SEC24B: variants seen among roughly 807,000 people sequenced by gnomAD.
SEC24B encodes SEC24 homolog B, COPII component.
Under a neutral mutation model 142.8 loss-of-function variants are expected in SEC24B, and 45 were observed. That is an observed-to-expected ratio of 0.32 (90% CI 0.25 to 0.40). The LOEUF is 0.40. Among genes scored for constraint, SEC24B ranks in the 10% least tolerant of loss-of-function variants. The probability of loss-of-function intolerance (pLI) is 1.00; values close to 1 mark genes in which losing one functional copy is unlikely to be tolerated. For missense variants in SEC24B, 1,409 were observed against 1,526.8 expected, an observed-to-expected ratio of 0.92 and a Z score of 1.29; for synonymous variants, 574 against 568.2, an observed-to-expected ratio of 1.01 and a Z score of -0.15.
intron 6 of SEC24B, among the ~76,000 whole-genome samples, chr4:109,496,476 C>T (rs1310987706): frequency 6.6e-6 from 1 of 152,066 alleles, no homozygotes; most frequent in African/African-American, 2.4e-5. Context: ...AGTTGACTAA[C>T]CTTATAGAAA....
intron 6 of SEC24B, among the ~76,000 whole-genome samples, chr4:109,497,288 G>T (rs541786283): frequency 2.7e-4 from 41 of 152,278 alleles, no homozygotes; most frequent in African/African-American, 9.6e-4. Context: ...ATTTTATTTG[G>T]GAGGTTATTT....
rs969174381 is a variant in SEC24B, at chr4:109,433,889, C to A, written c.20C>A (p.Ser7Tyr). ...GCCGTCATGTCGGCCCCCGCCGGGT[C>A]CTCTCACCCGGCCGCCAGCGCCCGG... is the stretch of plus-strand genomic sequence containing the variant. MSAPAG[S>Y]SHPAASARIP... is the part of the protein sequence containing the mutation. The change falls in exon 1 of 24, where the codon TCC (serine) becomes TAC (tyrosine). Residue 7 changes from serine to tyrosine, a missense_variant. Physicochemically the swap from Ser to Tyr is moderately radical, Grantham distance 144. This residue lies in a region of SEC24B where 709 missense variants were observed against 673.5 expected (regional missense o/e 1.05). Transcript: ENST00000265175. The A allele has an allele frequency of 3.0e-6, 4 of 1,343,436 alleles. No homozygotes were observed. In the African/African-American group the frequency reaches 6.1e-5, roughly 20 times the overall value. 83.2% of individuals were successfully genotyped at this position (1,343,436 alleles called of 1,614,324 possible).
At chr4:109,521,699 A>G in intron 14 of SEC24B, 73 bp downstream of exon 14, 1 of 1,129,270 alleles carries the variant, frequency 8.9e-7, no homozygotes, top group Non-Finnish European at 1.3e-6. Flanking sequence ...ATTAATAATA[A>G]AATACTGGCA....
chr4:109,482,794 G>C (rs889720710), intron 4 of SEC24B, among the ~76,000 whole-genome samples: 1 of 149,720 alleles, frequency 6.7e-6, no homozygotes, highest in African/African-American at 2.5e-5. Context: ...ACCCTGCACA[G>C]TTAATGTTTG....
At chr4:109,481,117 C>G (rs1377783243) in intron 3 of SEC24B, among the ~76,000 whole-genome samples, 1 of 152,064 alleles carries the variant, frequency 6.6e-6, no homozygotes, top group East Asian at 1.9e-4. Context: ...AGCCCCCCGT[C>G]CCCCACTCCC....
chr4:109,538,958 A>AT (rs200263013), intron 23 of SEC24B, among the ~76,000 whole-genome samples: 11,889 of 144,484 alleles, frequency 0.082, 590 homozygotes, highest in Middle Eastern at 0.2. Context: ...CTAATTTTTA[A>AT]TTTTTTTTTT....
At chr4:109,499,740 A>C (rs185446029) in intron 6 of SEC24B, among the ~76,000 whole-genome samples, 46 of 152,370 alleles carry the variant, frequency 3.0e-4, no homozygotes, top group Non-Finnish European at 5.9e-4. Flanking sequence ...GAGTCATATA[A>C]AAGTATAACA....
chr4:109,481,794 T>C lies in SEC24B; in HGVS notation c.1165+13T>C, dbSNP rs1404557132. 1.3e-6 allele frequency: 2 copies of C among 1,583,072 alleles called. No individual in the cohort carries two copies. Among genetic ancestry groups the C allele is most frequent in the Admixed American group, 1.7e-5 (1 of 59,494 alleles). On this transcript the variant is annotated intron_variant, in intron 4 of 23. Coordinates refer to ENST00000265175, the MANE Select transcript of SEC24B (RefSeq NM_006323.5). ...GATGAGGAAGCAGGTCTGCTTTAGCTTTACACCAGTTCTTGATCTTTTCCT... is the reference window on the plus strand; with the variant it reads ...GATGAGGAAGCAGGTCTGCTTTAGCCTTACACCAGTTCTTGATCTTTTCCT...
intron 18 of SEC24B, among the ~76,000 whole-genome samples, chr4:109,529,645 A>G (rs1024121851): frequency 2.6e-5 from 4 of 152,210 alleles, no homozygotes; most frequent in Non-Finnish European, 1.5e-5. Flanking sequence ...AAAATGATAC[A>G]TGTGACTTGG....
At chr4:109,508,603 A>T (rs973503573) in intron 7 of SEC24B, among the ~76,000 whole-genome samples, 1 of 152,206 alleles carries the variant, frequency 6.6e-6, no homozygotes, top group Non-Finnish European at 1.5e-5. Flanking sequence ...AATATGTTGC[A>T]TATGTATAAG....
intron 1 of SEC24B, among the ~76,000 whole-genome samples, chr4:109,454,562 TAAAAC>T (rs1328390201): frequency 6.8e-6 from 1 of 147,492 alleles, no homozygotes; most frequent in African/African-American, 2.5e-5. Context: ...GAAAGAAAAA[TAAAAC>T]AAAACTCCAA....
chr4:109,486,305 A>G (rs1040086576), intron 4 of SEC24B, among the ~76,000 whole-genome samples: 1 of 152,190 alleles, frequency 6.6e-6, no homozygotes, highest in African/African-American at 2.4e-5. Flanking sequence ...TGTGCAGGTT[A>G]TGAGGAAATC....
intron 3 of SEC24B, among the ~76,000 whole-genome samples, chr4:109,476,921 A>C: frequency 6.6e-6 from 1 of 151,856 alleles, no homozygotes; most frequent in African/African-American, 2.4e-5. Flanking sequence ...GCGGATCACG[A>C]GGTCAGGAGA....
At chr4:109,485,413 TC>T (rs1346066083) in intron 4 of SEC24B, among the ~76,000 whole-genome samples, 2 of 152,158 alleles carry the variant, frequency 1.3e-5, no homozygotes, top group Non-Finnish European at 2.9e-5. Context: ...GAAGGTGTCT[TC>T]CTATCTAGTG....
At chr4:109,469,086 G>A (rs1313541703) in intron 2 of SEC24B, among the ~76,000 whole-genome samples, 1 of 151,874 alleles carries the variant, frequency 6.6e-6, no homozygotes, top group East Asian at 1.9e-4. Flanking sequence ...GAGCCCAGGA[G>A]TAAAAGTAAA....
chr4:109,467,370 T>TTACATTATATGAGTGTTACATGTA lies in SEC24B; in HGVS notation c.877+3727_877+3728insACATTATATGAGTGTTACATGTAT, dbSNP rs1226057924. Among the ~76,000 whole-genome samples, 11 of 152,084 alleles carry TTACATTATATGAGTGTTACATGTA rather than the reference T, an allele frequency of 7.2e-5. No homozygotes were observed. The East Asian group carries it at 2.1e-3, about 29-fold the overall frequency. On this transcript the variant is annotated intron_variant, in intron 2 of 23. Transcript: ENST00000265175. Reference sequence around the variant, plus strand: ...AAAGTCCGCTCCAAGTATGTATGTTTTGAGTGTTACATTAGTTGTTAAAGT... The same window carrying TTACATTATATGAGTGTTACATGTA: ...AAAGTCCGCTCCAAGTATGTATGTTTTACATTATATGAGTGTTACATGTATGAGTGTTACATTAGTTGTTAAAGT...
At chr4:109,466,878 C>T (rs9985632) in intron 2 of SEC24B, among the ~76,000 whole-genome samples, 46,806 of 152,134 alleles carry the variant, frequency 0.31, 12,003 homozygotes, top group African/African-American at 0.71. Context: ...AAAAATATGA[C>T]AGATGGATAC....
intron 1 of SEC24B, among the ~76,000 whole-genome samples, chr4:109,458,215 G>C (rs1025079159): frequency 6.6e-6 from 1 of 151,580 alleles, no homozygotes; most frequent in African/African-American, 2.4e-5. Context: ...ATATTTATTT[G>C]TTTTATTTTG....
intron 22 of SEC24B, among the ~76,000 whole-genome samples, chr4:109,536,795 C>G (rs530795600): frequency 6.6e-6 from 1 of 150,754 alleles, no homozygotes; most frequent in African/African-American, 2.4e-5. Context: ...TCCCAAAGTG[C>G]TGGGATTACA....
Sources: gnomAD v4.1 joint callset for allele counts (sites outside exome capture counted in the v4.1 genomes callset) on GRCh38, gnomAD v4.1.1 for gene constraint, gnomAD v4.1.1 regional missense constraint, MANE v1.5 for transcripts, NCBI Gene and HGNC (gene_info 2026-07-23, HGNC 2026-07-21) for gene names.